PCDHGA8: variants seen among roughly 807,000 people sequenced by gnomAD.
The protein encoded by PCDHGA8 is protocadherin gamma-A8.
A neutral mutation model predicts 59.2 loss-of-function variants in PCDHGA8; 45 were observed. That is an observed-to-expected ratio of 0.76 (90% CI 0.60 to 0.98). PCDHGA8 has a LOEUF of 0.98. PCDHGA8 is among the 50% of genes least tolerant of loss of function. The pLI is 0.00. For synonymous variants in PCDHGA8, 531 were observed against 519.0 expected, an observed-to-expected ratio of 1.02 and a Z score of -0.32; for missense variants, 1,257 against 1,196.2, an observed-to-expected ratio of 1.05 and a Z score of -0.75.
At position 141,468,868 on chromosome 5, in the gene PCDHGA8, A is replaced by AAAT. The variant is rs993655754; in HGVS notation, c.2425-25921_2425-25919dup. Among the ~76,000 whole-genome samples, 30 of 151,912 alleles carry AAAT rather than the reference A, an allele frequency of 2.0e-4. No homozygotes were observed. The East Asian group carries it at 4.3e-3, about 22-fold the overall frequency. On this transcript the variant is annotated intron_variant, in intron 1 of 3. Coordinates refer to ENST00000398604, the MANE Select transcript of PCDHGA8 (RefSeq NM_032088.2). ...GCAACAGAGCGAGACTCCATCTCAAAAATAATAATAATAATAATAAGGTAC... is the reference window on the plus strand; with the variant it reads ...GCAACAGAGCGAGACTCCATCTCAAAAATAATAATAATAATAATAATAAGGTAC...
In PCDHGA8 at chr5:141,431,985, T is replaced by A. The variant is rs1354693325; in HGVS notation, c.2424+36748T>A. 1 of 1,614,202 alleles carries A rather than the reference T, an allele frequency of 6.2e-7. No homozygotes were observed. The highest frequency in any genetic ancestry group is 1.7e-5 in the Admixed American group (1 of 60,030). ...TACTATAGTTTAGTCACAGACATAG[T>A]CTTGGATAGGGAACAGGTTCCTAGC... On this transcript the variant is annotated intron_variant, in intron 1 of 3. Coordinates refer to ENST00000398604, the MANE Select transcript of PCDHGA8 (RefSeq NM_032088.2). This position sits in a 1 kb window ranked among gnomAD's most constrained non-coding sequence, Gnocchi z 4.8.
At chr5:141,400,799 G>A in intron 1 of PCDHGA8, 1 of 553,494 alleles carries the variant, frequency 1.8e-6, no homozygotes, top group Non-Finnish European at 3.2e-6. Context: ...CTTTCTCAAA[G>A]CTAATGAATT....
rs780395794 is a variant in PCDHGA8, at chr5:141,489,685, G to A, written c.2425-5122G>A. ...GCGCATCTCAGAATCAGCAGCATCT[G>A]GGGCACGATTCCCACTGGACAGTGC... On this transcript the variant is annotated intron_variant, in intron 1 of 3. Coordinates refer to ENST00000398604, the MANE Select transcript of PCDHGA8 (RefSeq NM_032088.2). The surrounding 1 kb of genome is among the most constrained non-coding windows in gnomAD (Gnocchi z 4.5). 10 of 1,614,142 alleles carry A rather than the reference G, an allele frequency of 6.2e-6. No individual in the cohort carries two copies. The South Asian group carries it at 1.1e-4, about 18-fold the overall frequency.
intron 1 of PCDHGA8, chr5:141,478,331 G>C: frequency 6.2e-7 from 1 of 1,613,956 alleles, no homozygotes; most frequent in Non-Finnish European, 8.5e-7. Context: ...CCGAACACCA[G>C]GGCCCTCCTT....
rs768985461 is a variant in PCDHGA8, at chr5:141,403,714, C to T, written c.2424+8477C>T. ...TTTACCGAGTTAAAGTCCTTGAGAA[C>T]GTGCCCCCAGGCACCTGGCTGCTTA... On this transcript the variant is annotated intron_variant, in intron 1 of 3. Transcript: ENST00000398604. 10 of 1,613,792 alleles carry T rather than the reference C, an allele frequency of 6.2e-6. No homozygotes were observed. In the South Asian group the frequency reaches 6.6e-5, roughly 11 times the overall value.
chr5:141,400,369 T>C (rs2150855153), intron 1 of PCDHGA8: 2 of 1,614,078 alleles, frequency 1.2e-6, no homozygotes, highest in Admixed American at 3.3e-5. Context: ...GCCTTATTCC[T>C]ACAACCTATG....
At chr5:141,470,383 G>A (rs569789033) in intron 1 of PCDHGA8, among the ~76,000 whole-genome samples, 7 of 152,246 alleles carry the variant, frequency 4.6e-5, no homozygotes, top group South Asian at 2.1e-4. Context: ...AAGACTACTC[G>A]ATGATATTTA....
At chr5:141,403,226 C>T (rs1329726577) in intron 1 of PCDHGA8, 1 of 1,613,926 alleles carries the variant, frequency 6.2e-7, no homozygotes, top group South Asian at 1.1e-5. Flanking sequence ...TAGGATAGAC[C>T]GGGAGGAGCT....
intron 1 of PCDHGA8, among the ~76,000 whole-genome samples, chr5:141,492,408 C>T (rs1187024017): frequency 2.0e-5 from 3 of 152,244 alleles, no homozygotes; most frequent in African/African-American, 2.4e-5. Flanking sequence ...CTCCCCTCTG[C>T]CGCTCCCTCC....
intron 1 of PCDHGA8, chr5:141,427,798 T>C: frequency 6.6e-7 from 1 of 1,506,550 alleles, no homozygotes; most frequent in South Asian, 1.1e-5. Flanking sequence ...TACGTGTCCG[T>C]GAGCGCACAG....
In PCDHGA8 at chr5:141,490,363, C is replaced by G; in HGVS notation, c.2425-4444C>G. 3 of 1,614,154 alleles carry G rather than the reference C, an allele frequency of 1.9e-6. No homozygotes were observed. Among genetic ancestry groups the G allele is most frequent in the Non-Finnish European group, 2.5e-6 (3 of 1,180,032 alleles). On this transcript the variant is annotated intron_variant, in intron 1 of 3. Transcript: ENST00000398604. This position sits in a 1 kb window ranked among gnomAD's most constrained non-coding sequence, Gnocchi z 5.4. ...CACAGTAGTGGGGTTGTTTAATGTGCGAGACCGGGACTCAGGTAGAAATGG... is the reference window on the plus strand; with the variant it reads ...CACAGTAGTGGGGTTGTTTAATGTGGGAGACCGGGACTCAGGTAGAAATGG...
At chr5:141,464,443 T>G (rs903733972) in intron 1 of PCDHGA8, among the ~76,000 whole-genome samples, 1 of 151,634 alleles carries the variant, frequency 6.6e-6, no homozygotes, top group African/African-American at 2.4e-5. Context: ...ATGTTTGTTG[T>G]TGTTGTTGTT....
chr5:141,490,092 C>T lies in PCDHGA8; in HGVS notation c.2425-4715C>T. On this transcript the variant is annotated intron_variant, in intron 1 of 3. Coordinates refer to ENST00000398604, the MANE Select transcript of PCDHGA8 (RefSeq NM_032088.2). This position sits in a 1 kb window ranked among gnomAD's most constrained non-coding sequence, Gnocchi z 5.4. ...AACTAGACTATTCTTTTGGAGACCA[C>T]ACATCTGAGGCAGTGCGGAACCTCT... 6.2e-7 allele frequency: 1 copy of T among 1,614,240 alleles called. No individual in the cohort carries two copies.
chr5:141,483,435 A>G (rs2099581280), intron 1 of PCDHGA8, among the ~76,000 whole-genome samples: 1 of 152,180 alleles, frequency 6.6e-6, no homozygotes, highest in Admixed American at 6.5e-5. Context: ...GGAGCTGACT[A>G]CAATAAAATC....
chr5:141,414,751 T>C (rs2095785645), intron 1 of PCDHGA8: 4 of 1,614,084 alleles, frequency 2.5e-6, no homozygotes, highest in Non-Finnish European at 1.7e-6. Flanking sequence ...ATCCTTCGAC[T>C]ATGAGCAGTT....
In PCDHGA8 at chr5:141,409,805, C is replaced by G. The variant is rs751397816; in HGVS notation, c.2424+14568C>G. ...CGCCTTCGCGCTCACGCTGCAGGCC[C>G]GCGACCACGGCTCGCCCACGCTCAG... On this transcript the variant is annotated intron_variant, in intron 1 of 3. Coordinates refer to ENST00000398604, the MANE Select transcript of PCDHGA8 (RefSeq NM_032088.2). 8 of 1,611,512 alleles carry G rather than the reference C, an allele frequency of 5.0e-6. No individual in the cohort carries two copies. In the African/African-American group the frequency reaches 5.3e-5, roughly 11 times the overall value.
intron 1 of PCDHGA8, chr5:141,430,824 C>T: frequency 6.5e-7 from 1 of 1,547,704 alleles, no homozygotes; most frequent in Non-Finnish European, 8.7e-7. Flanking sequence ...CTCCTGGGGA[C>T]TCTGTGGGAG....
At chr5:141,400,776 G>GT (rs1167512157) in intron 1 of PCDHGA8, 4 of 557,602 alleles carry the variant, frequency 7.2e-6, no homozygotes, top group Non-Finnish European at 1.3e-5. Flanking sequence ...CATTTGGTGC[G>GT]TTTTTTTGTC....
Position 141,487,767 on chromosome 5 carries a change from T to G in PCDHGA8, c.2425-7040T>G, listed in dbSNP as rs2099665569. The G allele has an allele frequency of 5.2e-6, 8 of 1,538,298 alleles. No homozygotes were observed. The African/African-American group carries it at 9.6e-5, about 18-fold the overall frequency. On this transcript the variant is annotated intron_variant, in intron 1 of 3. Transcript: ENST00000398604. This position sits in a 1 kb window ranked among gnomAD's most constrained non-coding sequence, Gnocchi z 5.0. ...GGTAACTATGTGGTAGACGCTGTGC[T>G]TTGTAACTGTTTCGTGAATTAACCA... is the stretch of plus-strand genomic sequence containing the variant.
Sources: gnomAD v4.1 joint callset for allele counts (sites outside exome capture counted in the v4.1 genomes callset) on GRCh38, gnomAD v4.1.1 for gene constraint, Gnocchi (gnomAD v3.1) non-coding constraint, MANE v1.5 for transcripts, NCBI Gene and HGNC (gene_info 2026-07-23, HGNC 2026-07-21) for gene names.